Variants in RBM20 observed in about 807,000 individuals in gnomAD.
RBM20 encodes RNA-binding protein 20.
In RBM20, 51 loss-of-function variants were observed where a neutral mutation model predicts 110.1. That is an observed-to-expected ratio of 0.46 (90% confidence interval 0.37 to 0.59). RBM20 has a LOEUF of 0.59. Ranked by LOEUF, RBM20 falls within the 20% of genes least tolerant of loss-of-function variation. The pLI, the probability that RBM20 is intolerant of heterozygous loss-of-function variation, is 0.00. For synonymous variants in RBM20, 589 were observed against 618.2 expected (o/e 0.95, Z 0.70); for missense variants, 1,512 against 1,574.9 (o/e 0.96, Z 0.68).
At chr10:110,707,050 G>A (rs552807264) in intron 1 of RBM20, among the ~76,000 whole-genome samples, 1 of 152,276 alleles carries the variant, frequency 6.6e-6, no homozygotes, top group East Asian at 1.9e-4. Flanking sequence ...AAATGAACCT[G>A]TTGCATTTTA....
At chr10:110,684,980 G>A (rs1564815174) in intron 1 of RBM20, among the ~76,000 whole-genome samples, 1 of 152,188 alleles carries the variant, frequency 6.6e-6, no homozygotes, top group Non-Finnish European at 1.5e-5. Context: ...CTAACATCTT[G>A]AGAAGTGAAT....
At chr10:110,767,143 G>T (rs1396866338) in intron 1 of RBM20, among the ~76,000 whole-genome samples, 1 of 114,466 alleles carries the variant, frequency 8.7e-6, no homozygotes, top group Non-Finnish European at 2.0e-5. Flanking sequence ...CCCGGATGGG[G>T]TGGCTGGCCG....
intron 1 of RBM20, among the ~76,000 whole-genome samples, chr10:110,723,110 TA>T (rs575216610): frequency 0.19 from 23,811 of 128,022 alleles, 3,153 homozygotes; most frequent in African/African-American, 0.41. Flanking sequence ...AGACTCCATC[TA>T]AAAAAAAAAA....
At chr10:110,828,229 C>CT (rs1845006753) in intron 12 of RBM20, among the ~76,000 whole-genome samples, 1 of 152,184 alleles carries the variant, frequency 6.6e-6, no homozygotes, top group Admixed American at 6.5e-5. Flanking sequence ...AAATGGAGGA[C>CT]TGAGTGGCTC....
chr10:110,833,301 A>T (rs1845079647), intron 13 of RBM20, among the ~76,000 whole-genome samples: 1 of 147,640 alleles, frequency 6.8e-6, no homozygotes, highest in Non-Finnish European at 1.5e-5. Context: ...AGGTAGGAGA[A>T]TCGCTTGAAC....
At chr10:110,664,691 G>A (rs1862152070) in intron 1 of RBM20, among the ~76,000 whole-genome samples, 1 of 152,092 alleles carries the variant, frequency 6.6e-6, no homozygotes, top group Non-Finnish European at 1.5e-5. Flanking sequence ...AGGTTGCAGT[G>A]AGCCGAGATG....
rs1006602900 is a variant in RBM20 at position 110,832,117 on chromosome 10, A to G, written c.3573+935A>G. On this transcript the variant is annotated intron_variant, in intron 13 of 13. Coordinates refer to ENST00000369519, the MANE Select transcript of RBM20 (RefSeq NM_001134363.3). ...TAATATGTTCTATAATATATACCTA[A>G]TTAATATGTAATATATTAGAATGTG... 2.7e-5 allele frequency among the ~76,000 whole-genome samples: 4 copies of G among 148,138 alleles called. No homozygotes were observed. In the Admixed American group the frequency reaches 2.8e-4, roughly 10 times the overall value.
intron 1 of RBM20, among the ~76,000 whole-genome samples, chr10:110,754,202 T>C (rs1843894218): frequency 6.6e-6 from 1 of 152,246 alleles, no homozygotes; most frequent in Non-Finnish European, 1.5e-5. Flanking sequence ...ATTTTTGATG[T>C]TGAGATATTT....
At chr10:110,653,119 C>T (rs1861975424) in intron 1 of RBM20, among the ~76,000 whole-genome samples, 1 of 152,218 alleles carries the variant, frequency 6.6e-6, no homozygotes, top group Non-Finnish European at 1.5e-5. Context: ...GAAACGTCCT[C>T]TTAACACCTT....
intron 1 of RBM20, among the ~76,000 whole-genome samples, chr10:110,652,353 T>A (rs1856803): frequency 0.6 from 91,281 of 152,148 alleles, 31,505 homozygotes; most frequent in Non-Finnish European, 0.76. Context: ...GTGGGGCAAT[T>A]AGACTGGTTT....
intron 1 of RBM20, among the ~76,000 whole-genome samples, chr10:110,725,672 A>G (rs1264597291): frequency 6.6e-6 from 1 of 152,246 alleles, no homozygotes; most frequent in African/African-American, 2.4e-5. Flanking sequence ...GAAACAGAGC[A>G]CATCAACCTG....
intron 1 of RBM20, among the ~76,000 whole-genome samples, chr10:110,754,998 T>C (rs980975374): frequency 1.7e-4 from 26 of 152,148 alleles, no homozygotes; most frequent in Admixed American, 1.6e-3. Flanking sequence ...CCTTTTGGAG[T>C]CACTACAAAT....
In RBM20 at chr10:110,672,033, G is replaced by C. The variant is rs1002702952; in HGVS notation, c.191+27388G>C. Among the ~76,000 whole-genome samples the C allele has an allele frequency of 8.4e-4, 125 of 149,574 alleles. 2 individuals are homozygous for C. Among genetic ancestry groups the C allele is most frequent in the Admixed American group, 8.1e-3 (121 of 14,972 alleles). ...ATTCACCCCAGAGGGACAAACTTAG[G>C]GGGTATTTTAGGGCCCTATTAGGGA... On this transcript the variant is annotated intron_variant, in intron 1 of 13. Transcript: ENST00000369519.
intron 9 of RBM20, among the ~76,000 whole-genome samples, chr10:110,818,306 A>AC (rs1248040431): frequency 2.6e-5 from 4 of 151,242 alleles, no homozygotes; most frequent in African/African-American, 9.7e-5. Context: ...AAAAAAAAAA[A>AC]ACCAAAACGA....
In RBM20 at chr10:110,814,037, G is replaced by A. The variant is rs191980251; in HGVS notation, c.2550+1090G>A. On this transcript the variant is annotated intron_variant, in intron 9 of 13. Coordinates refer to ENST00000369519, the MANE Select transcript of RBM20 (RefSeq NM_001134363.3). ...ATTTAAGTAGGGGTAGGATAAGTGA[G>A]GTTTGGCAATATGCATAAGGAGCCT... Among the ~76,000 whole-genome samples, 144 of 152,236 alleles carry A rather than the reference G, an allele frequency of 9.5e-4. 2 individuals carry two copies. Among genetic ancestry groups the A allele is most frequent in the African/African-American group, 3.1e-3 (127 of 41,542 alleles).
At chr10:110,656,577 G>A (rs1204539179) in intron 1 of RBM20, among the ~76,000 whole-genome samples, 2 of 152,098 alleles carry the variant, frequency 1.3e-5, no homozygotes, top group Admixed American at 6.6e-5. Context: ...GTACCAAAAT[G>A]GTTGCATTGC....
At chr10:110,702,424 T>C (rs1387533566) in intron 1 of RBM20, among the ~76,000 whole-genome samples, 1 of 152,140 alleles carries the variant, frequency 6.6e-6, no homozygotes, top group Non-Finnish European at 1.5e-5. Flanking sequence ...TAGTCCCAGC[T>C]AGTCTGGAGG....
At position 110,821,310 on chromosome 10, in the gene RBM20, G is replaced by A. The variant is rs549274248; in HGVS notation, c.2691G>A (p.Gly897=). Residue 897 remains glycine, a synonymous_variant, in exon 11 of 14, where the codon GGG becomes GGA. Transcript: ENST00000369519. ...QDWESESEAE[G]ESWYPTNMEE... is the part of the protein sequence containing the mutation. Reference sequence around the variant, plus strand: ...GGGAGAGTGAAAGTGAGGCAGAGGGGGAGAGCTGGTATCCCACTAACATGG... The same window carrying A: ...GGGAGAGTGAAAGTGAGGCAGAGGGAGAGAGCTGGTATCCCACTAACATGG... 32 of 1,551,684 alleles carry A rather than the reference G, an allele frequency of 2.1e-5. No homozygotes were observed. In the East Asian group the frequency reaches 7.6e-4, roughly 37 times the overall value.
chr10:110,777,141 A>G (rs10885043), intron 1 of RBM20, among the ~76,000 whole-genome samples: 49,092 of 152,142 alleles, frequency 0.32, 8,137 homozygotes, highest in East Asian at 0.45. Context: ...CTGAGGAAAT[A>G]CAAGATTCTC....
Sources: gnomAD v4.1 joint callset for allele counts (sites outside exome capture counted in the v4.1 genomes callset) on GRCh38, gnomAD v4.1.1 for gene constraint, MANE v1.5 for transcripts, NCBI Gene and HGNC (gene_info 2026-07-23, HGNC 2026-07-21) for gene names.